The following ZNF385B variants were observed in gnomAD, a reference collection of about 807,000 sequenced individuals.
ZNF385B encodes the protein zinc finger protein 385B.
ZNF385B carries 23 observed loss-of-function variants against 39.2 expected under a neutral mutation model. The observed-to-expected ratio is 0.59, with a 90% CI of 0.42 to 0.83. ZNF385B has a LOEUF of 0.83. Among genes scored for constraint, ZNF385B ranks in the 40% least tolerant of loss-of-function variants. ZNF385B has a pLI of 0.00. For missense variants in ZNF385B, 552 were observed against 598.9 expected, an observed-to-expected ratio of 0.92 and a Z score of 0.82; for synonymous variants, 205 against 222.6, an observed-to-expected ratio of 0.92 and a Z score of 0.70.
At chr2:179,860,750 A>G in intron 1 of ZNF385B, 1 of 443,644 alleles carries the variant, frequency 2.3e-6, no homozygotes, top group East Asian at 8.0e-5. Flanking sequence ...GCTGCGGCTA[A>G]ACATAGCGGG....
chr2:179,625,226 CTT>C (rs1661258618), intron 3 of ZNF385B, among the ~76,000 whole-genome samples: 1 of 152,144 alleles, frequency 6.6e-6, no homozygotes, highest in South Asian at 2.1e-4. Flanking sequence ...GAGTGTCTCT[CTT>C]TTTCTTTAAT....
At chr2:179,551,399 T>C (rs569521431) in intron 3 of ZNF385B, among the ~76,000 whole-genome samples, 19 of 151,334 alleles carry the variant, frequency 1.3e-4, no homozygotes, top group Non-Finnish European at 2.5e-4. Context: ...AATAGCTGCA[T>C]AAGGTAGGGG....
chr2:179,763,971 T>A (rs1703547054), intron 3 of ZNF385B, among the ~76,000 whole-genome samples: 1 of 152,198 alleles, frequency 6.6e-6, no homozygotes, highest in African/African-American at 2.4e-5. Context: ...ATAAATTAAT[T>A]AGATCCTTTT....
intron 5 of ZNF385B, among the ~76,000 whole-genome samples, chr2:179,493,789 G>GTGTATATACATATATA (rs1162190999): frequency 8.8e-6 from 1 of 113,266 alleles, no homozygotes; most frequent in Non-Finnish European, 2.0e-5. Context: ...ATACACATAT[G>GTGTATATACATATATA]TATACATATA....
rs756014813 is a variant in ZNF385B at position 179,769,613 on chromosome 2, T to G, written c.188A>C (p.Gln63Pro). 2.7e-5 allele frequency: 43 copies of G among 1,614,074 alleles called. No homozygotes were observed. Among genetic ancestry groups the G allele is most frequent in the Non-Finnish European group, 3.6e-5 (42 of 1,180,042 alleles). Residue 63 changes from glutamine (Q) to proline (P), a missense_variant, in exon 3 of 10, where the codon CAG (glutamine) becomes CCG (proline). Physicochemically the swap from Gln to Pro is moderately conservative, Grantham distance 76. Coordinates refer to ENST00000410066, the MANE Select transcript of ZNF385B (RefSeq NM_152520.6). ...VCNIQLNSAA[Q>P]AQVHSNGKSH... ...TTTGCCGTTGGAATGCACCTGAGCCTGGGCTGCAGAGTTCAGCTGGATGTT... is the reference window on the plus strand; with the variant it reads ...TTTGCCGTTGGAATGCACCTGAGCCGGGGCTGCAGAGTTCAGCTGGATGTT...
rs2049025666 is a variant in ZNF385B, at chr2:179,442,080, A to G, written c.*1170T>C. ...AGATATAGATGCTCTAAAAGAGTCCACTCTATTTTGTTGTTCTATGATAAC... is the reference window on the plus strand; with the variant it reads ...AGATATAGATGCTCTAAAAGAGTCCGCTCTATTTTGTTGTTCTATGATAAC... On this transcript the variant is annotated 3_prime_UTR_variant, in exon 10 of 10. Coordinates refer to ENST00000410066, the MANE Select transcript of ZNF385B (RefSeq NM_152520.6). The G allele has an allele frequency of 6.6e-6, 1 of 152,548 alleles. No individual in the cohort carries two copies. The highest frequency in any genetic ancestry group is 6.5e-5 in the Admixed American group (1 of 15,270). 9.4% of individuals were successfully genotyped at this position (152,548 alleles called of 1,614,324 possible).
Position 179,603,357 on chromosome 2 carries a change from G to A in ZNF385B, c.299-58388C>T, listed in dbSNP as rs989042587. On this transcript the variant is annotated intron_variant, in intron 3 of 9. Coordinates refer to ENST00000410066, the MANE Select transcript of ZNF385B (RefSeq NM_152520.6). ...GTGCACACACTCAATATATGTTAGC[G>A]ATCTTCCAAGGCAGCCCAGATTAGT... Among the ~76,000 whole-genome samples, 9 of 152,144 alleles carry A rather than the reference G, an allele frequency of 5.9e-5. 1 individual carries two copies. The highest frequency in any genetic ancestry group is 2.0e-4 in the Admixed American group (3 of 15,266).
intron 5 of ZNF385B, among the ~76,000 whole-genome samples, chr2:179,491,615 T>C (rs1200614370): frequency 6.6e-6 from 1 of 152,216 alleles, no homozygotes; most frequent in African/African-American, 2.4e-5. Context: ...CAAAGAATTA[T>C]GTATATAAGG....
intron 6 of ZNF385B, among the ~76,000 whole-genome samples, chr2:179,454,497 T>C (rs2050479414): frequency 7.8e-6 from 1 of 128,090 alleles, no homozygotes; most frequent in Admixed American, 7.5e-5. Flanking sequence ...TAGAGTGTAC[T>C]CCTTCCATTT....
chr2:179,446,266 C>A (rs2049461907), intron 7 of ZNF385B, among the ~76,000 whole-genome samples: 1 of 152,068 alleles, frequency 6.6e-6, no homozygotes, highest in Admixed American at 6.6e-5. Context: ...ATCTTTGTCA[C>A]TTCATCAAAA....
At chr2:179,602,902 T>G (rs1295317186) in intron 3 of ZNF385B, among the ~76,000 whole-genome samples, 1 of 152,234 alleles carries the variant, frequency 6.6e-6, no homozygotes, top group African/African-American at 2.4e-5. Flanking sequence ...TTTTTGGTAT[T>G]TATTTTTCAC....
At chr2:179,604,960 A>G (rs1233949424) in intron 3 of ZNF385B, among the ~76,000 whole-genome samples, 1 of 152,108 alleles carries the variant, frequency 6.6e-6, no homozygotes, top group Non-Finnish European at 1.5e-5. Context: ...TTTGTTTCCC[A>G]CATTGCAAAT....
intron 3 of ZNF385B, among the ~76,000 whole-genome samples, chr2:179,600,117 A>T (rs112364076): frequency 1.1e-4 from 16 of 152,352 alleles, no homozygotes; most frequent in African/African-American, 3.8e-4. Context: ...ACTCTAAATG[A>T]TGTCTGATTC....
At chr2:179,476,044 G>A (rs1001441197) in intron 6 of ZNF385B, among the ~76,000 whole-genome samples, 66 of 145,492 alleles carry the variant, frequency 4.5e-4, no homozygotes, top group African/African-American at 1.5e-3. Context: ...AAAAAAAAGC[G>A]GACCCAGAAT....
At chr2:179,637,667 C>T (rs1192611582) in intron 3 of ZNF385B, among the ~76,000 whole-genome samples, 1 of 129,300 alleles carries the variant, frequency 7.7e-6, no homozygotes, top group Non-Finnish European at 1.5e-5. Context: ...ATGAAGAGGA[C>T]AAGGCAGTGA....
intron 3 of ZNF385B, among the ~76,000 whole-genome samples, chr2:179,727,280 A>T (rs969669169): frequency 1.3e-5 from 2 of 152,062 alleles, no homozygotes; most frequent in African/African-American, 4.8e-5. Flanking sequence ...TTGGAAATCC[A>T]TCAGTTTCAG....
At chr2:179,624,944 T>C (rs1690527016) in intron 3 of ZNF385B, among the ~76,000 whole-genome samples, 1 of 139,190 alleles carries the variant, frequency 7.2e-6, no homozygotes, top group South Asian at 2.4e-4. Flanking sequence ...TGGGGAGAAT[T>C]GTTTGAACAA....
chr2:179,850,763 T>C (rs1031361827), intron 1 of ZNF385B, among the ~76,000 whole-genome samples: 2 of 152,194 alleles, frequency 1.3e-5, no homozygotes, highest in African/African-American at 4.8e-5. Flanking sequence ...GCACACTTTC[T>C]CGTGCTTATA....
chr2:179,740,310 C>T (rs1434468921), intron 3 of ZNF385B, among the ~76,000 whole-genome samples: 15 of 152,062 alleles, frequency 9.9e-5, no homozygotes, highest in Non-Finnish European at 1.5e-5. Context: ...GAAATGTGAG[C>T]AAAAAGATGA....
Sources: allele counts gnomAD v4.1 joint callset (sites outside exome capture counted in the v4.1 genomes callset), GRCh38; gene constraint gnomAD v4.1.1; transcripts MANE v1.5; gene names NCBI Gene and HGNC (gene_info 2026-07-23, HGNC 2026-07-21).